Variants in SRSF9 observed in about 807,000 individuals in gnomAD.
The protein encoded by SRSF9 is serine and arginine rich splicing factor 9, also known as serine/arginine-rich splicing factor 9.
In SRSF9, 3 loss-of-function variants were observed where a neutral mutation model predicts 25.9. That is an observed-to-expected ratio of 0.12 (90% CI 0.05 to 0.30). The LOEUF (loss-of-function observed/expected upper bound fraction) is 0.30. Ranked by LOEUF, SRSF9 falls within the 10% of genes least tolerant of loss-of-function variation. The pLI, the probability that SRSF9 is intolerant of heterozygous loss-of-function variation, is 1.00. For missense variants in SRSF9, 161 were observed against 303.5 expected (o/e 0.53, Z 3.49); for synonymous variants, 114 against 113.2 (o/e 1.01, Z -0.05).
At chr12:120,466,875 CT>C (rs1159443109) in intron 1 of SRSF9, among the ~76,000 whole-genome samples, 1 of 152,112 alleles carries the variant, frequency 6.6e-6, no homozygotes, top group Non-Finnish European at 1.5e-5. Flanking sequence ...GTTTGGAGAA[CT>C]ATTTTTGTCA....
rs1029455328 is a variant in SRSF9 at position 120,469,673 on chromosome 12, C to G, written c.-64G>C. ...TCGCCGCCGCCGCCTCAGCACGGGT[C>G]CCCCCGCAGCGTCCCCGCGGGCTCC... On this transcript the variant is annotated 5_prime_UTR_variant, in exon 1 of 4. Coordinates refer to ENST00000229390, the MANE Select transcript of SRSF9 (RefSeq NM_003769.3). 7 of 1,065,334 alleles carry G rather than the reference C, an allele frequency of 6.6e-6. No homozygotes were observed. Among genetic ancestry groups the G allele is most frequent in the Non-Finnish European group, 7.1e-6 (6 of 846,096 alleles). The allele number at this position is 1,065,334 out of a possible 1,614,324, so 66.0% of individuals were successfully genotyped here. A position where few individuals can be genotyped will look rare whatever the true frequency, so the allele number is the denominator to read the frequency against.
At position 120,469,709 on chromosome 12, in the gene SRSF9, G is replaced by C. The variant is rs945514190; in HGVS notation, c.-100C>G. ...GTCCCCGCGGGCTCCGAGGCGCTCAGCCGCACTGCATTGTGGGAACGCGGA... is the reference window on the plus strand; with the variant it reads ...GTCCCCGCGGGCTCCGAGGCGCTCACCCGCACTGCATTGTGGGAACGCGGA... On this transcript the variant is annotated 5_prime_UTR_variant, in exon 1 of 4. Coordinates refer to ENST00000229390, the MANE Select transcript of SRSF9 (RefSeq NM_003769.3). 3.1e-5 allele frequency: 22 copies of C among 703,588 alleles called. No homozygotes were observed. Among genetic ancestry groups the C allele is most frequent in the Non-Finnish European group, 4.0e-5 (21 of 525,628 alleles). The allele number at this position is 703,588 out of a possible 1,614,324, so 43.6% of individuals were successfully genotyped here. A position where few individuals can be genotyped will look rare whatever the true frequency, so the allele number is the denominator to read the frequency against.
At chr12:120,462,202 A>C in intron 3 of SRSF9, 40 bp from the exon 4 acceptor site, 1 of 1,571,272 alleles carries the variant, frequency 6.4e-7, no homozygotes, top group South Asian at 1.2e-5. Flanking sequence ...AAGGGGAAAA[A>C]AATCAGAGCC....
At chr12:120,463,470 C>G (rs1241110020) in intron 3 of SRSF9, 1 of 152,296 alleles carries the variant, frequency 6.6e-6, no homozygotes, top group Non-Finnish European at 1.5e-5. Flanking sequence ...GCTCAGGTTT[C>G]AGAGAGGATG....
rs750704872 is a variant in SRSF9 at position 120,469,612 on chromosome 12, G to A, written c.-3C>T. 33 of 1,450,918 alleles carry A rather than the reference G, an allele frequency of 2.3e-5. No homozygotes were observed. The South Asian group carries it at 2.3e-4, about 10-fold the overall frequency. 89.9% of individuals were successfully genotyped at this position (1,450,918 alleles called of 1,614,324 possible). ...CGCTCGTCCGCCCAGCCCGACATCCGCACCGCCCGACGCCGCGGGCCCGCC... is the reference window on the plus strand; with the variant it reads ...CGCTCGTCCGCCCAGCCCGACATCCACACCGCCCGACGCCGCGGGCCCGCC... On this transcript the variant is annotated 5_prime_UTR_variant, in exon 1 of 4. Transcript: ENST00000229390.
chr12:120,469,369 AGGCGGG>A, intron 1 of SRSF9, 47 bp downstream of exon 1: 1 of 1,399,882 alleles, frequency 7.1e-7, no homozygotes, highest in Admixed American at 2.1e-5. Flanking sequence ...ACAGCAGGGA[AGGCGGG>A]GGCCTCAGGC....
At chr12:120,462,251 AGT>A in intron 3 of SRSF9, 89 bp from the exon 4 acceptor site, 1 of 1,401,658 alleles carries the variant, frequency 7.1e-7, no homozygotes, top group South Asian at 1.4e-5. Context: ...ATAATAGTTA[AGT>A]ATTGAGCACT....
chr12:120,463,144 G>A (rs1448738826), intron 3 of SRSF9: 1 of 151,896 alleles, frequency 6.6e-6, no homozygotes, highest in Non-Finnish European at 1.5e-5. Context: ...TCTGGTTTCT[G>A]GTCTCAATGG....
chr12:120,463,757 T>C, intron 3 of SRSF9, 193 bp downstream of exon 3: 2 of 568,714 alleles, frequency 3.5e-6, no homozygotes, highest in South Asian at 3.1e-5. Context: ...AAACGTACCA[T>C]GAATGCATAC....
intron 1 of SRSF9, among the ~76,000 whole-genome samples, chr12:120,466,133 G>C (rs3893104): frequency 6.6e-6 from 1 of 152,024 alleles, no homozygotes; most frequent in Non-Finnish European, 1.5e-5. Context: ...TCTAATCTTC[G>C]TGAGCATTTT....
chr12:120,469,535 C>T lies in SRSF9; in HGVS notation c.75G>A (p.Val25=). The change falls in exon 1 of 4, where the codon GTG becomes GTA. Residue 25 remains valine, a synonymous_variant. Transcript: ENST00000229390. ...RIYVGNLPTD[V]REKDLEDLFY... ...ACAGGTCCTCCAAGTCCTTCTCGCGCACGTCGGTCGGAAGGTTCCCCACGT... is the reference window on the plus strand; with the variant it reads ...ACAGGTCCTCCAAGTCCTTCTCGCGTACGTCGGTCGGAAGGTTCCCCACGT... 1 of 1,590,572 alleles carries T rather than the reference C, an allele frequency of 6.3e-7. No individual in the cohort carries two copies.
rs1878592308 is a variant in SRSF9 at position 120,469,669 on chromosome 12, G to C, written c.-60C>G. On this transcript the variant is annotated 5_prime_UTR_variant, in exon 1 of 4. Transcript: ENST00000229390. ...CACGTCGCCGCCGCCGCCTCAGCACGGGTCCCCCCGCAGCGTCCCCGCGGG... is the reference window on the plus strand; with the variant it reads ...CACGTCGCCGCCGCCGCCTCAGCACCGGTCCCCCCGCAGCGTCCCCGCGGG... The C allele has an allele frequency of 2.7e-6, 3 of 1,097,106 alleles. No homozygotes were observed. Among genetic ancestry groups the C allele is most frequent in the Admixed American group, 4.5e-5 (1 of 22,040 alleles). The allele number at this position is 1,097,106 out of a possible 1,614,324, so 68.0% of individuals were successfully genotyped here. A position where few individuals can be genotyped will look rare whatever the true frequency, so the allele number is the denominator to read the frequency against.
At position 120,463,941 on chromosome 12, in the gene SRSF9, A is replaced by G; in HGVS notation, c.522+9T>C. 2 of 1,599,620 alleles carry G rather than the reference A, an allele frequency of 1.3e-6. No individual in the cohort carries two copies. Among genetic ancestry groups the G allele is most frequent in the Non-Finnish European group, 1.7e-6 (2 of 1,172,978 alleles). On this transcript the variant is annotated intron_variant, in intron 3 of 3. Coordinates refer to ENST00000229390, the MANE Select transcript of SRSF9 (RefSeq NM_003769.3). ...AGTACAAGCTCCTCAACAGAAGGCA[A>G]GGACCCACCTCATGAGAGCGGAATT...
At position 120,461,997 on chromosome 12, in the gene SRSF9, G is replaced by GA. The variant is rs1176618236; in HGVS notation, c.*21dup. On this transcript the variant is annotated 3_prime_UTR_variant, in exon 4 of 4. Transcript: ENST00000229390. ...CAGCTCAGTTAACCTAAAAAATAAAGAAAAAATTCCCATCACCTGTCTCAG... is the reference window on the plus strand; with the variant it reads ...CAGCTCAGTTAACCTAAAAAATAAAGAAAAAAATTCCCATCACCTGTCTCAG... 1 of 1,582,812 alleles carries GA rather than the reference G, an allele frequency of 6.3e-7. No homozygotes were observed. The highest frequency in any genetic ancestry group is 8.6e-7 in the Non-Finnish European group (1 of 1,164,814).
chr12:120,465,728 C>A lies in SRSF9; in HGVS notation c.248G>T (p.Arg83Leu), dbSNP rs1191247439. The A allele has an allele frequency of 6.2e-7, 1 of 1,605,354 alleles. No individual in the cohort carries two copies. Among genetic ancestry groups the A allele is most frequent in the Non-Finnish European group, 8.5e-7 (1 of 1,177,202 alleles). ...TCCATAAGTCCTGGGGAACTCCACACGAAGCCGACACTGGCCATAATCATA... is the reference window on the plus strand; with the variant it reads ...TCCATAAGTCCTGGGGAACTCCACAAGAAGCCGACACTGGCCATAATCATA... The part of the protein sequence containing the change: ...NGYDYGQCRL[R>L]VEFPRTYGGR... Residue 83 changes from arginine (R) to leucine (L), a missense_variant, in exon 2 of 4, where the codon CGT becomes CTT. Physicochemically the swap from Arg to Leu is moderately radical, Grantham distance 102 (BLOSUM62 -2). Transcript: ENST00000229390.
rs1878430072 is a variant in SRSF9, at chr12:120,464,183, A to G, written c.350-61T>C. ...CAGCTATGTTAACTGCCCTGTTAAG[A>G]GCCAGCAATACCTATGGTCCTTTCT... On this transcript the variant is annotated intron_variant, in intron 2 of 3. Coordinates refer to ENST00000229390, the MANE Select transcript of SRSF9 (RefSeq NM_003769.3). 2.6e-6 allele frequency: 4 copies of G among 1,545,520 alleles called. No homozygotes were observed. The East Asian group carries it at 6.8e-5, about 26-fold the overall frequency.
At chr12:120,465,592 C>T (rs776781794) in intron 2 of SRSF9, 35 bp downstream of exon 2, 2 of 1,548,728 alleles carry the variant, frequency 1.3e-6, no homozygotes, top group East Asian at 2.4e-5. Context: ...AAGTATTTTA[C>T]ATGTATCATC....
In SRSF9 at chr12:120,469,478, C is replaced by T. The variant is rs140548362; in HGVS notation, c.132G>A (p.Glu44=). The T allele has an allele frequency of 3.9e-5, 62 of 1,601,714 alleles. No homozygotes were observed. Among genetic ancestry groups the T allele is most frequent in the Non-Finnish European group, 5.1e-5 (60 of 1,175,374 alleles). ...FYKYGRIREI[E]LKNRHGLVPF... is the part of the protein sequence containing the mutation. ...GCACGAGGCCGTGCCGGTTCTTGAG[C>T]TCGATCTCGCGGATGCGGCCGTACT... The change falls in exon 1 of 4, where the codon GAG becomes GAA. Residue 44 remains glutamate, a synonymous_variant. Coordinates refer to ENST00000229390, the MANE Select transcript of SRSF9 (RefSeq NM_003769.3).
Position 120,469,719 on chromosome 12 carries a change from A to C in SRSF9, c.-110T>G. 8.1e-6 allele frequency: 5 copies of C among 618,606 alleles called. No individual in the cohort carries two copies. Among genetic ancestry groups the C allele is most frequent in the Middle Eastern group, 5.0e-4 (1 of 2,008 alleles). The allele number at this position is 618,606 out of a possible 1,614,324, so 38.3% of individuals were successfully genotyped here. A position where few individuals can be genotyped will look rare whatever the true frequency, so the allele number is the denominator to read the frequency against. Reference sequence around the variant, plus strand: ...GCTCCGAGGCGCTCAGCCGCACTGCATTGTGGGAACGCGGAGCGGAAGCGA... The same window carrying C: ...GCTCCGAGGCGCTCAGCCGCACTGCCTTGTGGGAACGCGGAGCGGAAGCGA... On this transcript the variant is annotated 5_prime_UTR_variant, in exon 1 of 4. The change abolishes an upstream ATG in the 5' untranslated region. Coordinates refer to ENST00000229390, the MANE Select transcript of SRSF9 (RefSeq NM_003769.3).
Sources: gnomAD v4.1 joint callset for allele counts (sites outside exome capture counted in the v4.1 genomes callset) on GRCh38, gnomAD v4.1.1 for gene constraint, MANE v1.5 for transcripts, NCBI Gene and HGNC (gene_info 2026-07-23, HGNC 2026-07-21) for gene names.